The following UBE2D3 variants were observed in gnomAD, a reference collection of about 807,000 sequenced individuals.
The protein encoded by UBE2D3 is ubiquitin-conjugating enzyme E2 D3.
A neutral mutation model predicts 22.8 loss-of-function variants in UBE2D3; 2 were observed. The ratio of observed to expected loss-of-function variants is 0.09; its 90% CI spans 0.04 to 0.28. The LOEUF (loss-of-function observed/expected upper bound fraction) is 0.28. UBE2D3 is among the 10% of genes least tolerant of loss of function. The pLI is 1.00. For missense variants in UBE2D3, 27 were observed against 182.5 expected, an observed-to-expected ratio of 0.15 and a Z score of 4.91; for synonymous variants, 56 against 60.4, an observed-to-expected ratio of 0.93 and a Z score of 0.34.
chr4:102,825,634 T>TC, intron 2 of UBE2D3: 9 of 1,141,044 alleles, frequency 7.9e-6, no homozygotes, highest in Non-Finnish European at 9.3e-6. Flanking sequence ...TAGTTTTTTT[T>TC]CAACTTAAAT....
intron 5 of UBE2D3, 181 bp downstream of exon 5, chr4:102,802,380 A>G: frequency 5.0e-6 from 2 of 403,968 alleles, no homozygotes. Flanking sequence ...CCTTATTCCT[A>G]TTTACAAAGC....
chr4:102,807,419 C>G (rs958281476), intron 4 of UBE2D3, among the ~76,000 whole-genome samples: 1 of 152,158 alleles, frequency 6.6e-6, no homozygotes, highest in African/African-American at 2.4e-5. Flanking sequence ...AATACCCGTA[C>G]TTTGGGTGGA....
chr4:102,850,101 A>T (rs1732265009), intron 1 of UBE2D3, among the ~76,000 whole-genome samples: 1 of 152,234 alleles, frequency 6.6e-6, no homozygotes, highest in African/African-American at 2.4e-5. Flanking sequence ...AGAAGTGAAT[A>T]TGAACAAACG....
At chr4:102,866,340 G>C (rs1254795490) in intron 1 of UBE2D3, among the ~76,000 whole-genome samples, 1 of 152,178 alleles carries the variant, frequency 6.6e-6, no homozygotes, top group Admixed American at 6.5e-5. Flanking sequence ...AAACTGCTAA[G>C]AGGAAGTAAG....
intron 4 of UBE2D3, among the ~76,000 whole-genome samples, chr4:102,803,732 A>C (rs1162795099): frequency 6.6e-6 from 1 of 152,216 alleles, no homozygotes; most frequent in Non-Finnish European, 1.5e-5. Flanking sequence ...TTATTAATGA[A>C]GAATCAGGTT....
chr4:102,860,077 A>C (rs961075554), intron 1 of UBE2D3, among the ~76,000 whole-genome samples: 2 of 151,946 alleles, frequency 1.3e-5, no homozygotes, highest in Non-Finnish European at 1.5e-5. Flanking sequence ...TCGATCTCCT[A>C]ACCTCATGAT....
At chr4:102,864,688 C>T (rs28731337) in intron 1 of UBE2D3, among the ~76,000 whole-genome samples, 20,488 of 152,164 alleles carry the variant, frequency 0.13, 1,468 homozygotes, top group Admixed American at 0.17. Context: ...GACAAGAGGA[C>T]TCTGAAATTC....
chr4:102,811,174 A>G, intron 2 of UBE2D3: 1 of 152,346 alleles, frequency 6.6e-6, no homozygotes, highest in Non-Finnish European at 1.5e-5. Context: ...CAACAAAGGG[A>G]GACCCCCGTC....
chr4:102,847,340 C>A (rs541809701), intron 1 of UBE2D3, among the ~76,000 whole-genome samples: 1 of 152,242 alleles, frequency 6.6e-6, no homozygotes, highest in South Asian at 2.1e-4. Flanking sequence ...GGCTGGAGTG[C>A]AGTTGTGCAA....
rs1725223408 is a variant in UBE2D3, at chr4:102,795,873, A to G, written c.*1542T>C. ...AAATCAAAATAAACAGGAAAAATGT[A>G]AAACTATGGGATCAGAATTAGGAAA... On this transcript the variant is annotated 3_prime_UTR_variant, in exon 8 of 8. Transcript: ENST00000453744. 1 of 152,434 alleles carries G rather than the reference A, an allele frequency of 6.6e-6. No homozygotes were observed. Among genetic ancestry groups the G allele is most frequent in the Admixed American group, 6.6e-5 (1 of 15,252 alleles). 9.4% of individuals were successfully genotyped at this position (152,434 alleles called of 1,614,324 possible).
chr4:102,843,172 T>A (rs1224420662), intron 1 of UBE2D3, among the ~76,000 whole-genome samples: 1 of 152,152 alleles, frequency 6.6e-6, no homozygotes, highest in Non-Finnish European at 1.5e-5. Flanking sequence ...GTAGACCCAA[T>A]GATATTAGAA....
chr4:102,868,642 G>A (rs1733297352), intron 1 of UBE2D3: 1 of 1,609,030 alleles, frequency 6.2e-7, no homozygotes, highest in East Asian at 2.2e-5. Context: ...TGCAACCCTA[G>A]GGCCACAGCA....
At chr4:102,826,792 C>G in intron 1 of UBE2D3, 156 bp from the exon 2 acceptor site, 1 of 1,249,312 alleles carries the variant, frequency 8.0e-7, no homozygotes, top group Non-Finnish European at 1.0e-6. Context: ...GAAGTGGGGG[C>G]GAGGGTGACG....
chr4:102,838,571 G>A (rs903990483), intron 1 of UBE2D3, among the ~76,000 whole-genome samples: 2 of 152,074 alleles, frequency 1.3e-5, no homozygotes, highest in South Asian at 4.1e-4. Flanking sequence ...TTACCTTTGT[G>A]AAACACTTAA....
At chr4:102,868,701 A>G (rs1378966005) in intron 1 of UBE2D3, 2 of 1,613,898 alleles carry the variant, frequency 1.2e-6, no homozygotes, top group African/African-American at 1.3e-5. Flanking sequence ...AAGTAGAGAC[A>G]GCAAGAGACT....
At position 102,797,322 on chromosome 4, in the gene UBE2D3, TA is replaced by T. The variant is rs1452994664; in HGVS notation, c.*92del. ...TAAAATTAAAAAAGATGAGGTCTGA[TA>T]GGGGAGCAGCCGGATAAGAAAATCA... On this transcript the variant is annotated 3_prime_UTR_variant, in exon 8 of 8. Transcript: ENST00000453744. 2.7e-6 allele frequency: 3 copies of T among 1,118,096 alleles called. No individual in the cohort carries two copies. Among genetic ancestry groups the T allele is most frequent in the Non-Finnish European group, 3.9e-6 (3 of 765,762 alleles). 69.3% of individuals were successfully genotyped at this position (1,118,096 alleles called of 1,614,324 possible).
chr4:102,828,544 T>G (rs1249903317), upstream of UBE2D3, among the ~76,000 whole-genome samples: 1 of 152,094 alleles, frequency 6.6e-6, no homozygotes, highest in East Asian at 1.9e-4. Context: ...CAGAGAGAGT[T>G]AGGGGCAGGG....
chr4:102,829,329 C>T (rs1397912167), upstream of UBE2D3, among the ~76,000 whole-genome samples: 1 of 152,162 alleles, frequency 6.6e-6, no homozygotes, highest in Non-Finnish European at 1.5e-5. Flanking sequence ...CACCTCTGGC[C>T]CCTCCCTCCT....
chr4:102,861,777 T>C (rs1732911646), intron 1 of UBE2D3, among the ~76,000 whole-genome samples: 1 of 152,064 alleles, frequency 6.6e-6, no homozygotes, highest in South Asian at 2.1e-4. Context: ...ATTATGTATA[T>C]CATATATGTG....
Sources: gnomAD v4.1 joint callset for allele counts (sites outside exome capture counted in the v4.1 genomes callset) on GRCh38, gnomAD v4.1.1 for gene constraint, MANE v1.5 for transcripts, NCBI Gene and HGNC (gene_info 2026-07-23, HGNC 2026-07-21) for gene names.